The following KIF26B variants were observed in gnomAD, a reference collection of about 807,000 sequenced individuals.
The protein encoded by KIF26B is kinesin-like protein KIF26B.
KIF26B carries 63 observed loss-of-function variants against 151.2 expected under a neutral mutation model. The observed-to-expected ratio is 0.42, with a 90% confidence interval of 0.34 to 0.51. The LOEUF (loss-of-function observed/expected upper bound fraction) is 0.51. Ranked by LOEUF, KIF26B falls within the 20% of genes least tolerant of loss-of-function variation. KIF26B has a pLI of 0.07. For synonymous variants in KIF26B, 1,357 were observed against 1,262.1 expected (o/e 1.08, Z -1.59); for missense variants, 2,813 against 2,913.6 (o/e 0.97, Z 0.79).
intron 12 of KIF26B, among the ~76,000 whole-genome samples, chr1:245,694,555 C>G (rs2044666156): frequency 6.6e-6 from 1 of 152,144 alleles, no homozygotes; most frequent in Non-Finnish European, 1.5e-5. Context: ...CGTGTGGGGA[C>G]TTCTGTCTGG....
intron 2 of KIF26B, among the ~76,000 whole-genome samples, chr1:245,348,236 G>T (rs1376905924): frequency 6.6e-6 from 1 of 152,108 alleles, no homozygotes; most frequent in Non-Finnish European, 1.5e-5. Flanking sequence ...TCAGACCTTT[G>T]CTCTGCCTGC....
In KIF26B at chr1:245,670,374, A is replaced by G. The variant is rs145927454; in HGVS notation, c.2259-13859A>G. Among the ~76,000 whole-genome samples the G allele has an allele frequency of 2.6e-5, 4 of 151,020 alleles. No individual in the cohort carries two copies. The East Asian group carries it at 5.8e-4, about 22-fold the overall frequency. The stretch of plus-strand genomic sequence containing the variant: ...TCTCATATTTCCCCCAGACTTTTTG[A>G]GAGATAGTTGAGAAATAAAGCTGTG... On this transcript the variant is annotated intron_variant, in intron 10 of 14. Transcript: ENST00000407071.
intron 4 of KIF26B, among the ~76,000 whole-genome samples, chr1:245,489,169 C>A (rs1388532963): frequency 1.3e-5 from 2 of 152,182 alleles, no homozygotes; most frequent in African/African-American, 4.8e-5. Flanking sequence ...TAAATGCGCT[C>A]ATCATAAAGC....
intron 3 of KIF26B, among the ~76,000 whole-genome samples, chr1:245,403,148 T>G (rs1186446): frequency 6.6e-6 from 1 of 151,484 alleles, no homozygotes; most frequent in South Asian, 2.1e-4. Flanking sequence ...TTTAAAAAAA[T>G]TTTTTGTAGA....
intron 5 of KIF26B, among the ~76,000 whole-genome samples, chr1:245,562,648 C>T (rs1303379254): frequency 6.8e-6 from 1 of 147,752 alleles, no homozygotes; most frequent in East Asian, 2.3e-4. Flanking sequence ...TTGGCAAAGT[C>T]CTTCAGAACC....
chr1:245,193,467 T>C (rs941082742), intron 2 of KIF26B, among the ~76,000 whole-genome samples: 5 of 150,286 alleles, frequency 3.3e-5, no homozygotes, highest in African/African-American at 1.3e-4. Context: ...AAGCTTAGGC[T>C]TTCCTTTTTA....
intron 4 of KIF26B, among the ~76,000 whole-genome samples, chr1:245,504,133 C>T (rs1177055215): frequency 5.9e-5 from 9 of 152,116 alleles, no homozygotes. Flanking sequence ...GAGGTCAGTG[C>T]CACAGCGTGG....
chr1:245,394,688 C>CTTTTT (rs900497785), intron 3 of KIF26B, among the ~76,000 whole-genome samples: 13 of 123,164 alleles, frequency 1.1e-4, no homozygotes, highest in Non-Finnish European at 1.6e-4. Context: ...TTTTTTCTTT[C>CTTTTT]TTTTTTTTTT....
chr1:245,624,177 A>C (rs1329763466), intron 9 of KIF26B, among the ~76,000 whole-genome samples: 9 of 152,130 alleles, frequency 5.9e-5, no homozygotes, highest in Non-Finnish European at 1.3e-4. Flanking sequence ...GTAGTTATTT[A>C]TAGCAGTATG....
chr1:245,686,396 A>C lies in KIF26B; in HGVS notation c.3413A>C (p.Lys1138Thr). The C allele has an allele frequency of 6.2e-7, 1 of 1,613,368 alleles. No individual in the cohort carries two copies. The highest frequency in any genetic ancestry group is 1.3e-5 in the African/African-American group (1 of 75,004). Reference sequence around the variant, plus strand: ...GGAATGAGCCCCCAGGTTTTGAAAAAATCCATGTCTGCTGGGAGCGAAGGG... The same window carrying C: ...GGAATGAGCCCCCAGGTTTTGAAAACATCCATGTCTGCTGGGAGCGAAGGG... ...PVGMSPQVLK[K>T]SMSAGSEGFP... Residue 1138 changes from lysine to threonine, a missense_variant, in exon 12 of 15, where the codon AAA (lysine) becomes ACA (threonine). By Grantham distance (78) the Lys-to-Thr change is moderately conservative. This residue lies in a region of KIF26B where 2,060 missense variants were observed against 2,088.6 expected (regional missense o/e 0.99). Coordinates refer to ENST00000407071, the MANE Select transcript of KIF26B (RefSeq NM_018012.4). The surrounding 1 kb of genome is among the most constrained non-coding windows in gnomAD (Gnocchi z 5.6).
chr1:245,341,866 C>T (rs947896919), intron 2 of KIF26B, among the ~76,000 whole-genome samples: 1 of 152,216 alleles, frequency 6.6e-6, no homozygotes, highest in East Asian at 1.9e-4. Flanking sequence ...TGTCTAAGCT[C>T]CTGCGTCTCC....
At chr1:245,311,865 G>A (rs1671672187) in intron 2 of KIF26B, among the ~76,000 whole-genome samples, 1 of 152,198 alleles carries the variant, frequency 6.6e-6, no homozygotes, top group Non-Finnish European at 1.5e-5. Flanking sequence ...AGGAGACAGA[G>A]GTTGCAGTGA....
At chr1:245,682,865 T>C (rs1473566123) in intron 10 of KIF26B, among the ~76,000 whole-genome samples, 1 of 152,236 alleles carries the variant, frequency 6.6e-6, no homozygotes, top group Non-Finnish European at 1.5e-5. Context: ...CGTGGGTTTC[T>C]GCTAGACAGA....
At chr1:245,313,807 A>G (rs1671709475) in intron 2 of KIF26B, among the ~76,000 whole-genome samples, 1 of 152,144 alleles carries the variant, frequency 6.6e-6, no homozygotes, top group Non-Finnish European at 1.5e-5. Context: ...CATTTTCGTC[A>G]TTAAATCCCC....
chr1:245,590,616 T>C (rs1192757698), intron 5 of KIF26B, among the ~76,000 whole-genome samples: 2 of 152,076 alleles, frequency 1.3e-5, no homozygotes, highest in African/African-American at 4.8e-5. Flanking sequence ...CTATAAAAAC[T>C]GGGCGTCCAG....
At chr1:245,284,203 A>G (rs6691968) in intron 2 of KIF26B, among the ~76,000 whole-genome samples, 90,302 of 152,008 alleles carry the variant, frequency 0.59, 27,216 homozygotes, top group East Asian at 0.7. Flanking sequence ...GGTATATAGT[A>G]TGTATTTTTC....
chr1:245,360,033 C>T (rs370613060), intron 2 of KIF26B, among the ~76,000 whole-genome samples: 16 of 151,784 alleles, frequency 1.1e-4, no homozygotes, highest in South Asian at 8.4e-4. Flanking sequence ...CCACCATGCC[C>T]GGCTAATTTT....
intron 2 of KIF26B, among the ~76,000 whole-genome samples, chr1:245,199,315 C>CCCTCCCT (rs1669255937): frequency 6.6e-6 from 1 of 152,080 alleles, no homozygotes; most frequent in Non-Finnish European, 1.5e-5. Context: ...CCTCCCTCCT[C>CCCTCCCT]CCTCCCTCCT....
At chr1:245,527,737 A>ATG (rs1272682247) in intron 4 of KIF26B, among the ~76,000 whole-genome samples, 5 of 151,340 alleles carry the variant, frequency 3.3e-5, no homozygotes, top group Non-Finnish European at 5.9e-5. Flanking sequence ...GTTTCACCGC[A>ATG]TTAGCCAGGA....
Sources: gnomAD v4.1 joint callset for allele counts (sites outside exome capture counted in the v4.1 genomes callset) on GRCh38, gnomAD v4.1.1 for gene constraint, gnomAD v4.1.1 regional missense constraint, Gnocchi (gnomAD v3.1) non-coding constraint, MANE v1.5 for transcripts, NCBI Gene and HGNC (gene_info 2026-07-23, HGNC 2026-07-21) for gene names.